Variants in SEPTIN11 observed in about 807,000 individuals in gnomAD.
The protein encoded by SEPTIN11 is septin-11.
A neutral mutation model predicts 51.4 loss-of-function variants in SEPTIN11; 25 were observed. That is an observed-to-expected ratio of 0.49 (90% confidence interval 0.35 to 0.68). The LOEUF is 0.68. SEPTIN11 is among the 30% of genes least tolerant of loss of function. The pLI, the probability that SEPTIN11 is intolerant of heterozygous loss-of-function variation, is 0.00. For missense variants in SEPTIN11, 381 were observed against 520.8 expected (o/e 0.73, Z 2.61); for synonymous variants, 174 against 184.1 (o/e 0.95, Z 0.44).
chr4:77,014,588 C>T (rs1396702498), intron 4 of SEPTIN11, among the ~76,000 whole-genome samples: 1 of 151,388 alleles, frequency 6.6e-6, no homozygotes, highest in African/African-American at 2.4e-5. Flanking sequence ...GAATATGGAA[C>T]TAAAAGTTTA....
chr4:77,015,127 G>A (rs763702574), intron 5 of SEPTIN11, 110 bp downstream of exon 5: 1 of 1,017,014 alleles, frequency 9.8e-7, no homozygotes, highest in Non-Finnish European at 1.4e-6. Flanking sequence ...GATGACTTCA[G>A]CTGTAGTCCA....
intron 5 of SEPTIN11, among the ~76,000 whole-genome samples, chr4:77,015,412 T>G (rs1233615634): frequency 6.6e-6 from 1 of 152,232 alleles, no homozygotes; most frequent in Non-Finnish European, 1.5e-5. Flanking sequence ...CCTTCCCTCC[T>G]TTCTATTTTC....
At chr4:77,019,953 A>C (rs1373495840) in intron 6 of SEPTIN11, among the ~76,000 whole-genome samples, 1 of 152,230 alleles carries the variant, frequency 6.6e-6, no homozygotes, top group African/African-American at 2.4e-5. Flanking sequence ...CCCTGGGAAA[A>C]ATACAATTTT....
chr4:76,952,961 G>A (rs1721408795), intron 1 of SEPTIN11, among the ~76,000 whole-genome samples: 1 of 152,216 alleles, frequency 6.6e-6, no homozygotes. Flanking sequence ...CTCCTAAGCT[G>A]TGGTGTTCAT....
At chr4:77,016,637 T>TAC (rs1725303171) in intron 5 of SEPTIN11, among the ~76,000 whole-genome samples, 3 of 93,544 alleles carry the variant, frequency 3.2e-5, no homozygotes, top group Admixed American at 1.2e-4. Flanking sequence ...TATACACATA[T>TAC]ATATATATAT....
At chr4:76,961,788 C>T (rs1010694949) in intron 1 of SEPTIN11, among the ~76,000 whole-genome samples, 2 of 152,282 alleles carry the variant, frequency 1.3e-5, no homozygotes, top group Admixed American at 6.5e-5. Flanking sequence ...AAGTCAAAAT[C>T]GTAAGTTGAA....
At chr4:76,999,386 G>T (rs1723960394) in intron 2 of SEPTIN11, among the ~76,000 whole-genome samples, 1 of 152,180 alleles carries the variant, frequency 6.6e-6, no homozygotes, top group Admixed American at 6.5e-5. Flanking sequence ...CGTAGAGGAG[G>T]AGGTGTTATA....
At chr4:76,987,713 T>C in intron 1 of SEPTIN11, 1 of 242,512 alleles carries the variant, frequency 4.1e-6, no homozygotes, top group Non-Finnish European at 6.6e-6. Flanking sequence ...GGACAGTTCG[T>C]GAGGCCAGAA....
chr4:76,951,102 A>G (rs1375888249), intron 1 of SEPTIN11, among the ~76,000 whole-genome samples: 1 of 152,110 alleles, frequency 6.6e-6, no homozygotes, highest in African/African-American at 2.4e-5. Context: ...GGAAGCTCGG[A>G]AATCCCAGAA....
chr4:77,000,478 T>C (rs1232217972), intron 2 of SEPTIN11, among the ~76,000 whole-genome samples: 2 of 152,246 alleles, frequency 1.3e-5, no homozygotes, highest in African/African-American at 2.4e-5. Context: ...TAGCAATTAA[T>C]TGATGAAGTA....
intron 3 of SEPTIN11, among the ~76,000 whole-genome samples, chr4:77,006,731 G>A (rs974150242): frequency 2.0e-5 from 3 of 151,966 alleles, no homozygotes; most frequent in Non-Finnish European, 4.4e-5. Context: ...CTTGTATCAG[G>A]ATTTTTTCCC....
intron 5 of SEPTIN11, among the ~76,000 whole-genome samples, chr4:77,015,927 A>C (rs1725189817): frequency 6.6e-6 from 1 of 152,228 alleles, no homozygotes; most frequent in South Asian, 2.1e-4. Flanking sequence ...GTGTTTAACT[A>C]GTAGAGCCAC....
intron 9 of SEPTIN11, 67 bp downstream of exon 9, chr4:77,031,037 T>G: frequency 7.0e-7 from 1 of 1,436,336 alleles, no homozygotes; most frequent in Non-Finnish European, 9.4e-7. Flanking sequence ...TGTCTCTACT[T>G]TTCCCATTTA....
chr4:77,039,801 C>G (rs1727262897), downstream of SEPTIN11: 1 of 915,526 alleles, frequency 1.1e-6, no homozygotes, highest in South Asian at 5.0e-5. Context: ...AATTCAGGAA[C>G]CACTGTTGTT....
At chr4:76,986,681 A>G (rs554178715) in intron 1 of SEPTIN11, among the ~76,000 whole-genome samples, 5 of 152,278 alleles carry the variant, frequency 3.3e-5, no homozygotes, top group Admixed American at 6.5e-5. Context: ...CACTTTCAAC[A>G]TGACTTGGTT....
chr4:76,995,845 A>C (rs760342428), intron 1 of SEPTIN11: 5 of 1,535,416 alleles, frequency 3.3e-6, no homozygotes, highest in Non-Finnish European at 4.4e-6. Context: ...CTACAGGGTG[A>C]AGAGGGGGAA....
At chr4:76,999,232 T>C (rs530397781) in intron 2 of SEPTIN11, among the ~76,000 whole-genome samples, 1 of 152,306 alleles carries the variant, frequency 6.6e-6, no homozygotes, top group East Asian at 1.9e-4. Flanking sequence ...AATATCATCC[T>C]CAGAGAGTTG....
rs1560740881 is a variant in SEPTIN11 at position 77,020,645 on chromosome 4, A to T, written c.928A>T (p.Thr310Ser). ...GCTTGAAGAGATGGGGTTCAAGGAC[A>T]CTGACCCTGACAGCAAACCCTTCAG... is the stretch of plus-strand genomic sequence containing the variant. The part of the protein sequence containing the change: ...CKLEEMGFKD[T>S]DPDSKPFSLQ... Residue 310 changes from threonine to serine, a missense_variant, in exon 7 of 10, where the codon ACT becomes TCT. Physicochemically the swap from Thr to Ser is moderately conservative, Grantham distance 58. Transcript: ENST00000264893. The T allele has an allele frequency of 2.5e-6, 4 of 1,614,134 alleles. No homozygotes were observed. The highest frequency in any genetic ancestry group is 3.4e-6 in the Non-Finnish European group (4 of 1,179,996).
At chr4:77,005,464 T>G in intron 2 of SEPTIN11, 137 bp from the exon 3 acceptor site, 1 of 708,506 alleles carries the variant, frequency 1.4e-6, no homozygotes, top group Non-Finnish European at 2.3e-6. Context: ...AAGAATTATC[T>G]CTTCACAGTG....
Sources: gnomAD v4.1 joint callset for allele counts (sites outside exome capture counted in the v4.1 genomes callset) on GRCh38, gnomAD v4.1.1 for gene constraint, MANE v1.5 for transcripts, NCBI Gene and HGNC (gene_info 2026-07-23, HGNC 2026-07-21) for gene names.